Variants in ANKRD11 observed in about 807,000 individuals in gnomAD.
ANKRD11 encodes ankyrin repeat domain 11.
Under a neutral mutation model 195.7 loss-of-function variants are expected in ANKRD11, and 17 were observed. That is an observed-to-expected ratio of 0.09 (90% CI 0.06 to 0.13). The LOEUF (loss-of-function observed/expected upper bound fraction) is 0.13. ANKRD11 is among the 10% of genes least tolerant of loss of function. ANKRD11 has a pLI of 1.00. For synonymous variants in ANKRD11, 1,953 were observed against 1,528.1 expected (o/e 1.28, Z -6.49); for missense variants, 3,735 against 3,566.1 (o/e 1.05, Z -1.21).
intron 1 of ANKRD11, 48 bp from the exon 2 acceptor site, chr16:89,418,416 TCA>T (rs1286133895): frequency 2.4e-6 from 1 of 420,816 alleles, no homozygotes; most frequent in Non-Finnish European, 4.9e-6. Context: ...AATTTCAGCC[TCA>T]GTTCTTTCAT....
intron 4 of ANKRD11, among the ~76,000 whole-genome samples, chr16:89,292,320 C>T (rs1051035940): frequency 1.1e-4 from 17 of 152,174 alleles, no homozygotes; most frequent in African/African-American, 3.9e-4. Flanking sequence ...TAACAACGGA[C>T]TAACTGGATC....
chr16:89,324,280 G>GC (rs2037555492), intron 2 of ANKRD11: 1 of 1,249,516 alleles, frequency 8.0e-7, no homozygotes, highest in African/African-American at 1.5e-5. Context: ...GGAGCCCCGT[G>GC]CTCCGGAACA....
intron 1 of ANKRD11, among the ~76,000 whole-genome samples, chr16:89,459,976 C>A (rs2056595234): frequency 6.6e-6 from 1 of 151,814 alleles, no homozygotes; most frequent in Non-Finnish European, 1.5e-5. Context: ...TGGCTCACAC[C>A]TGTAATCCCA....
intron 2 of ANKRD11, among the ~76,000 whole-genome samples, chr16:89,344,792 G>A (rs1282884815): frequency 3.3e-5 from 5 of 152,114 alleles, no homozygotes; most frequent in South Asian, 4.1e-4. Context: ...GGCCAGAGGC[G>A]GCTGGAGCAG....
At chr16:89,299,250 G>A in intron 4 of ANKRD11, 1 of 178,558 alleles carries the variant, frequency 5.6e-6, no homozygotes, top group South Asian at 9.1e-5. Flanking sequence ...GGTCCTGCCT[G>A]GGAGGAGATC....
At chr16:89,414,692 T>C (rs552330333) in intron 2 of ANKRD11, among the ~76,000 whole-genome samples, 1 of 152,182 alleles carries the variant, frequency 6.6e-6, no homozygotes, top group East Asian at 1.9e-4. Context: ...AGTCAGCCCA[T>C]CACACAAGGC....
intron 4 of ANKRD11, among the ~76,000 whole-genome samples, chr16:89,296,722 C>A (rs531762609): frequency 6.6e-6 from 1 of 152,234 alleles, no homozygotes; most frequent in Non-Finnish European, 1.5e-5. Context: ...CCAGGCTCTT[C>A]GTCTGTCTAC....
rs36083157 is a variant in ANKRD11, at chr16:89,330,559, T to TG, written c.-59-13482dup. ...CAGTGCAGTCATTGATGGGGTGGTGTGGGGGGGAGCCACGGCACCTCTGTG... is the reference window on the plus strand; with the variant it reads ...CAGTGCAGTCATTGATGGGGTGGTGTGGGGGGGGAGCCACGGCACCTCTGTG... On this transcript the variant is annotated intron_variant, in intron 2 of 12. Coordinates refer to ENST00000301030, the MANE Select transcript of ANKRD11 (RefSeq NM_013275.6). Among the ~76,000 whole-genome samples, 44 of 144,396 alleles carry TG rather than the reference T, an allele frequency of 3.0e-4. 1 individual carries two copies. The highest frequency in any genetic ancestry group is 7.0e-4 in the South Asian group (3 of 4,272). 94.7% of individuals were successfully genotyped at this position (144,396 alleles called of 152,430 possible). A position where few individuals can be genotyped will look rare whatever the true frequency, so the allele number is the denominator to read the frequency against.
chr16:89,273,166 G>A (rs2033328756), intron 11 of ANKRD11: 1 of 152,042 alleles, frequency 6.6e-6, no homozygotes, highest in Non-Finnish European at 1.5e-5. Flanking sequence ...AGCGTTAACT[G>A]GATTGTTTGT....
intron 2 of ANKRD11, among the ~76,000 whole-genome samples, chr16:89,336,700 C>G (rs2038373014): frequency 1.3e-5 from 2 of 152,224 alleles, no homozygotes; most frequent in African/African-American, 4.8e-5. Flanking sequence ...CCGGCCTGTC[C>G]TAAAAGCACG....
chr16:89,415,694 G>A (rs2042271690), intron 2 of ANKRD11, among the ~76,000 whole-genome samples: 1 of 151,328 alleles, frequency 6.6e-6, no homozygotes, highest in Non-Finnish European at 1.5e-5. Flanking sequence ...TGGGTGTGGT[G>A]GTGGGTACCT....
At chr16:89,350,656 G>A (rs1175843241) in intron 2 of ANKRD11, among the ~76,000 whole-genome samples, 1 of 152,204 alleles carries the variant, frequency 6.6e-6, no homozygotes, top group Non-Finnish European at 1.5e-5. Flanking sequence ...ACATGCTGCT[G>A]CAAAGAGGAA....
At chr16:89,347,607 T>TGA (rs1555549012) in intron 2 of ANKRD11, among the ~76,000 whole-genome samples, 1 of 127,368 alleles carries the variant, frequency 7.9e-6, no homozygotes, top group Non-Finnish European at 1.6e-5. Flanking sequence ...CGAGACTCCG[T>TGA]AAAAAAAAAA....
intron 2 of ANKRD11, among the ~76,000 whole-genome samples, chr16:89,382,516 G>C (rs1402538562): frequency 6.6e-6 from 1 of 151,542 alleles, no homozygotes; most frequent in Admixed American, 6.6e-5. Context: ...TAATAGAGAC[G>C]GGATTTCACC....
At chr16:89,272,074 A>G (rs986266840) in intron 11 of ANKRD11, 2 of 152,194 alleles carry the variant, frequency 1.3e-5, no homozygotes, top group Non-Finnish European at 2.9e-5. Flanking sequence ...CATCAAAAAA[A>G]CGGGCAAAAG....
intron 2 of ANKRD11, among the ~76,000 whole-genome samples, chr16:89,344,785 C>A (rs1433332731): frequency 6.6e-6 from 1 of 152,200 alleles, no homozygotes; most frequent in Non-Finnish European, 1.5e-5. Flanking sequence ...GACGTGAGGC[C>A]AGAGGCGGCT....
At chr16:89,447,760 T>C (rs944191574) in intron 1 of ANKRD11, among the ~76,000 whole-genome samples, 10 of 150,844 alleles carry the variant, frequency 6.6e-5, no homozygotes, top group African/African-American at 2.4e-4. Flanking sequence ...TTATTACATG[T>C]ACCAGCATTT....
At chr16:89,321,333 A>G (rs1304924486) in intron 2 of ANKRD11, 1 of 151,632 alleles carries the variant, frequency 6.6e-6, no homozygotes, top group East Asian at 1.9e-4. Flanking sequence ...GGCTTCTAGG[A>G]TCTGAGCTGG....
At chr16:89,380,747 G>T (rs1412389654) in intron 2 of ANKRD11, among the ~76,000 whole-genome samples, 1 of 152,242 alleles carries the variant, frequency 6.6e-6, no homozygotes, top group East Asian at 1.9e-4. Context: ...CAGAGAAGAA[G>T]CTGGAGGCCT....
Sources: allele counts gnomAD v4.1 joint callset (sites outside exome capture counted in the v4.1 genomes callset), GRCh38; gene constraint gnomAD v4.1.1; transcripts MANE v1.5; gene names NCBI Gene and HGNC (gene_info 2026-07-23, HGNC 2026-07-21).